Variants in QSOX1 observed in about 807,000 individuals in gnomAD.
QSOX1 encodes the protein quiescin sulfhydryl oxidase 1, also known as sulfhydryl oxidase 1.
A neutral mutation model predicts 76.1 loss-of-function variants in QSOX1; 40 were observed. The observed-to-expected ratio is 0.53, with a 90% CI of 0.41 to 0.68. The LOEUF is 0.68. Among genes scored for constraint, QSOX1 ranks in the 30% least tolerant of loss-of-function variants. The pLI is 0.00. For synonymous variants in QSOX1, 392 were observed against 413.1 expected, an observed-to-expected ratio of 0.95 and a Z score of 0.62; for missense variants, 931 against 974.3, an observed-to-expected ratio of 0.96 and a Z score of 0.59.
intron 1 of QSOX1, among the ~76,000 whole-genome samples, chr1:180,163,896 A>G (rs547089615): frequency 1.3e-5 from 2 of 152,296 alleles, no homozygotes; most frequent in East Asian, 3.9e-4. Flanking sequence ...GAGAGAAATA[A>G]TATGTTGATG....
chr1:180,190,248 G>A (rs971483456), intron 9 of QSOX1, among the ~76,000 whole-genome samples, 185 bp from the exon 10 acceptor site: 1 of 152,198 alleles, frequency 6.6e-6, no homozygotes, highest in Non-Finnish European at 1.5e-5. Flanking sequence ...AGCTTGATCT[G>A]GGTCACAGCT....
At chr1:180,167,669 T>TA (rs1210056683) in intron 2 of QSOX1, among the ~76,000 whole-genome samples, 1 of 152,206 alleles carries the variant, frequency 6.6e-6, no homozygotes, top group East Asian at 1.9e-4. Context: ...CCTAAACTGT[T>TA]ACCACATAGG....
rs1258587172 is a variant in QSOX1, at chr1:180,166,581, C to T, written c.356C>T (p.Pro119Leu). 16 of 1,613,700 alleles carry T rather than the reference C, an allele frequency of 9.9e-6. No homozygotes were observed. Among genetic ancestry groups the T allele is most frequent in the African/African-American group, 1.3e-5 (1 of 74,906 alleles). ...VCRDFNIPGF[P>L]TVRFFKAFTK... is the part of the protein sequence containing the mutation. ...AGAGACTTCAACATCCCTGGCTTCC[C>T]GACTGTGAGGGTGTGTGACTGACAG... Residue 119 changes from proline to leucine, a missense_variant, in exon 2 of 12, where the codon CCG becomes CTG. By Grantham distance (98) the Pro-to-Leu change is moderately conservative. Coordinates refer to ENST00000367602, the MANE Select transcript of QSOX1 (RefSeq NM_002826.5).
At chr1:180,187,808 C>T (rs557452978) in intron 8 of QSOX1, among the ~76,000 whole-genome samples, 3 of 152,268 alleles carry the variant, frequency 2.0e-5, no homozygotes, top group Admixed American at 6.5e-5. Context: ...AGGTATGCCC[C>T]GCAGTAGCAG....
At chr1:180,171,794 A>G (rs557334897) in intron 2 of QSOX1, among the ~76,000 whole-genome samples, 2 of 152,354 alleles carry the variant, frequency 1.3e-5, no homozygotes, top group Non-Finnish European at 2.9e-5. Context: ...AAGGGGGCCA[A>G]GTAAGGCTGG....
intron 10 of QSOX1, among the ~76,000 whole-genome samples, chr1:180,193,212 G>A (rs191986372): frequency 3.3e-5 from 5 of 152,084 alleles, no homozygotes; most frequent in African/African-American, 7.2e-5. Flanking sequence ...AATGGATGAC[G>A]CAGTAAAGAA....
chr1:180,197,255 G>A lies in QSOX1; in HGVS notation c.*218G>A. On this transcript the variant is annotated 3_prime_UTR_variant, in exon 12 of 12. Transcript: ENST00000367602. ...AGCAGGGTCCAGGTTCCCCTGCTGT[G>A]CAGGGAGGGCAGCCCCGGGCAGTGG... is the stretch of plus-strand genomic sequence containing the variant. The A allele has an allele frequency of 6.2e-7, 1 of 1,610,150 alleles. No individual in the cohort carries two copies.
At chr1:180,184,150 CAT>C (rs1663110591) in intron 7 of QSOX1, 100 bp downstream of exon 7, 1 of 1,441,576 alleles carries the variant, frequency 6.9e-7, no homozygotes, top group South Asian at 1.3e-5. Flanking sequence ...TCTTCCTTGT[CAT>C]ATGATTAGTG....
chr1:180,177,858 T>G (rs1275075588), intron 4 of QSOX1, among the ~76,000 whole-genome samples: 4 of 122,496 alleles, frequency 3.3e-5, no homozygotes, highest in Admixed American at 1.7e-4. Context: ...ACCATGTTTT[T>G]GTTTGTTTTG....
chr1:180,165,525 C>T (rs572098230), intron 1 of QSOX1, among the ~76,000 whole-genome samples: 5 of 152,376 alleles, frequency 3.3e-5, no homozygotes, highest in South Asian at 2.1e-4. Flanking sequence ...CCCACTGGAC[C>T]GACGGTCTAG....
chr1:180,195,771 T>A (rs569748047), intron 11 of QSOX1, among the ~76,000 whole-genome samples: 3 of 152,366 alleles, frequency 2.0e-5, no homozygotes, highest in African/African-American at 7.2e-5. Flanking sequence ...GAAAACGCAT[T>A]TTCCCTTGAA....
chr1:180,198,692 G>T lies in QSOX1; in HGVS notation c.*1655G>T, dbSNP rs757461888. ...GGCTCCTGGGTTGGACTCCCTCTCT[G>T]TGCCCCTGCTCCAGGCACCCATTGG... On this transcript the variant is annotated 3_prime_UTR_variant, in exon 12 of 12. Coordinates refer to ENST00000367602, the MANE Select transcript of QSOX1 (RefSeq NM_002826.5). 27 of 323,320 alleles carry T rather than the reference G, an allele frequency of 8.4e-5. No individual in the cohort carries two copies. The Middle Eastern group carries it at 3.6e-3, about 43-fold the overall frequency. 20.0% of individuals were successfully genotyped at this position (323,320 alleles called of 1,614,324 possible).
chr1:180,168,321 C>T (rs369776935), intron 2 of QSOX1, among the ~76,000 whole-genome samples: 34 of 152,048 alleles, frequency 2.2e-4, no homozygotes, highest in African/African-American at 6.5e-4. Context: ...TGCCTCCAGA[C>T]GGGCAGCACC....
rs986469046 is a variant in QSOX1, at chr1:180,202,190, CAG to C, written c.*5154_*5155del. 2.4e-4 allele frequency: 37 copies of C among 152,448 alleles called. No individual in the cohort carries two copies. The highest frequency in any genetic ancestry group is 8.7e-4 in the African/African-American group (36 of 41,574). 9.4% of individuals were successfully genotyped at this position (152,448 alleles called of 1,614,324 possible). ...TGACCTTACTTAGGTGAGGAGGACT[CAG>C]GGAACATCTACAGACTCTAGGGCTA... is the stretch of plus-strand genomic sequence containing the variant. On this transcript the variant is annotated 3_prime_UTR_variant, in exon 12 of 12. Transcript: ENST00000367602.
At chr1:180,186,683 C>T (rs930033931) in intron 8 of QSOX1, among the ~76,000 whole-genome samples, 3 of 152,222 alleles carry the variant, frequency 2.0e-5, no homozygotes, top group African/African-American at 4.8e-5. Context: ...GGCTACTCCA[C>T]GAAGGGTAGC....
chr1:180,166,798 G>A (rs917920230), intron 2 of QSOX1, among the ~76,000 whole-genome samples: 1 of 152,178 alleles, frequency 6.6e-6, no homozygotes, highest in Non-Finnish European at 1.5e-5. Flanking sequence ...AGCCTTAAGA[G>A]GTCTGATCTA....
intron 6 of QSOX1, among the ~76,000 whole-genome samples, chr1:180,182,668 G>A (rs61809063): frequency 0.14 from 20,917 of 152,110 alleles, 1,602 homozygotes; most frequent in Middle Eastern, 0.21. Context: ...GCAAGCACTC[G>A]TATATGCCTG....
chr1:180,197,147 T>G lies in QSOX1; in HGVS notation c.*110T>G. 6.9e-7 allele frequency: 1 copy of G among 1,457,606 alleles called. No homozygotes were observed. The allele number at this position is 1,457,606 out of a possible 1,614,324, so 90.3% of individuals were successfully genotyped here. The stretch of plus-strand genomic sequence containing the variant: ...TTGCTCCTTGTCTGGCCTAGAAGTG[T>G]GGGAAATTCAGGAAAACGAGTTGCT... On this transcript the variant is annotated 3_prime_UTR_variant, in exon 12 of 12. Transcript: ENST00000367602.
chr1:180,197,319 T>C lies in QSOX1; in HGVS notation c.*282T>C. Reference sequence around the variant, plus strand: ...CAGTCCCTGGCCTCTTAGCACCACATTCCTGTTTTTCAGCTTATTTGAAGT... The same window carrying C: ...CAGTCCCTGGCCTCTTAGCACCACACTCCTGTTTTTCAGCTTATTTGAAGT... On this transcript the variant is annotated 3_prime_UTR_variant, in exon 12 of 12. Coordinates refer to ENST00000367602, the MANE Select transcript of QSOX1 (RefSeq NM_002826.5). The C allele has an allele frequency of 2.5e-6, 4 of 1,613,964 alleles. No homozygotes were observed. The highest frequency in any genetic ancestry group is 3.4e-6 in the Non-Finnish European group (4 of 1,180,002).
Sources: gnomAD v4.1 joint callset for allele counts (sites outside exome capture counted in the v4.1 genomes callset) on GRCh38, gnomAD v4.1.1 for gene constraint, MANE v1.5 for transcripts, NCBI Gene and HGNC (gene_info 2026-07-23, HGNC 2026-07-21) for gene names.